The following MBD5 variants were observed in gnomAD, a reference collection of about 807,000 sequenced individuals.
MBD5 encodes methyl-CpG binding domain protein 5, also known as methyl-CpG-binding domain protein 5.
Under a neutral mutation model 117.3 loss-of-function variants are expected in MBD5, and 13 were observed. The ratio of observed to expected loss-of-function variants is 0.11; its 90% confidence interval spans 0.07 to 0.18. The LOEUF (loss-of-function observed/expected upper bound fraction) is 0.18. MBD5 is among the 10% of genes least tolerant of loss of function. MBD5 has a pLI of 1.00. For missense variants in MBD5, 1,879 were observed against 2,093.8 expected (o/e 0.90, Z 2.00); for synonymous variants, 727 against 766.4 (o/e 0.95, Z 0.85).
chr2:148,315,543 A>G (rs1190121280), intron 3 of MBD5, among the ~76,000 whole-genome samples: 1 of 152,188 alleles, frequency 6.6e-6, no homozygotes, highest in Non-Finnish European at 1.5e-5. Context: ...CATGAGGTAT[A>G]TATTTCTACT....
chr2:148,434,015 G>T (rs1706075668), intron 4 of MBD5, among the ~76,000 whole-genome samples: 1 of 151,580 alleles, frequency 6.6e-6, no homozygotes, highest in African/African-American at 2.4e-5. Context: ...AATCCATCTG[G>T]TCCTGGGTTT....
intron 1 of MBD5, among the ~76,000 whole-genome samples, chr2:148,053,446 T>A (rs180774503): frequency 3.7e-4 from 56 of 152,216 alleles, no homozygotes; most frequent in African/African-American, 1.3e-3. Flanking sequence ...ACCATAATAA[T>A]GAGAATATAA....
At chr2:148,505,274 G>C (rs1004628328) in intron 12 of MBD5, among the ~76,000 whole-genome samples, 5 of 152,160 alleles carry the variant, frequency 3.3e-5, no homozygotes, top group Admixed American at 2.6e-4. Flanking sequence ...GTACAGTTTG[G>C]GGTGCCTGTA....
At chr2:148,327,448 G>A (rs1035201924) in intron 3 of MBD5, among the ~76,000 whole-genome samples, 1 of 152,122 alleles carries the variant, frequency 6.6e-6, no homozygotes, top group Non-Finnish European at 1.5e-5. Flanking sequence ...CAGAGGGGGG[G>A]TTCCATTCTC....
chr2:148,332,860 A>T (rs1702694951), intron 3 of MBD5, among the ~76,000 whole-genome samples: 1 of 151,112 alleles, frequency 6.6e-6, no homozygotes, highest in African/African-American at 2.4e-5. Context: ...GATTTTTTGA[A>T]TTTTTTTTCT....
intron 12 of MBD5, among the ~76,000 whole-genome samples, chr2:148,506,594 T>C (rs1367063696): frequency 1.3e-5 from 2 of 152,236 alleles, no homozygotes; most frequent in Non-Finnish European, 2.9e-5. Flanking sequence ...TTGCAATTTC[T>C]CATTTCCCTT....
At chr2:148,305,941 C>G (rs545319682) in intron 3 of MBD5, among the ~76,000 whole-genome samples, 7 of 152,090 alleles carry the variant, frequency 4.6e-5, no homozygotes, top group Non-Finnish European at 8.8e-5. Flanking sequence ...TACAATCTCC[C>G]CCCTTTTTAA....
At chr2:148,280,625 T>C (rs1284389235) in intron 3 of MBD5, among the ~76,000 whole-genome samples, 1 of 152,134 alleles carries the variant, frequency 6.6e-6, no homozygotes, top group Non-Finnish European at 1.5e-5. Flanking sequence ...GAGAGGGGTT[T>C]TGCCATGTTG....
rs1266257640 is a variant in MBD5 at position 148,490,071 on chromosome 2, T to C, written c.4439T>C (p.Ile1480Thr). ...TTTCTGCCTGGGGAACAGCACCCAATACTGTTACCACCAAGAAACTGTCCA... is the reference window on the plus strand; with the variant it reads ...TTTCTGCCTGGGGAACAGCACCCAACACTGTTACCACCAAGAAACTGTCCA... ...LPFLPGEQHP[I>T]LLPPRNCPGD... Residue 1480 changes from isoleucine to threonine, a missense_variant, in exon 11 of 14, where the codon ATA becomes ACA. Coordinates refer to ENST00000642680, the MANE Select transcript of MBD5 (RefSeq NM_001378120.1). The C allele has an allele frequency of 6.2e-7, 1 of 1,613,998 alleles. No homozygotes were observed. The highest frequency in any genetic ancestry group is 8.5e-7 in the Non-Finnish European group (1 of 1,180,010).
At chr2:148,252,712 G>C (rs1168469542) in intron 3 of MBD5, among the ~76,000 whole-genome samples, 2 of 152,046 alleles carry the variant, frequency 1.3e-5, no homozygotes, top group Admixed American at 6.6e-5. Context: ...ATGATGCCCA[G>C]CTAATTTTTG....
chr2:148,369,147 C>T (rs1221032031), intron 4 of MBD5, among the ~76,000 whole-genome samples: 5 of 151,660 alleles, frequency 3.3e-5, no homozygotes, highest in African/African-American at 1.2e-4. Context: ...ACAAAATGAC[C>T]GGCCTACATT....
chr2:148,478,855 G>C, intron 8 of MBD5, among the ~76,000 whole-genome samples: 1 of 152,078 alleles, frequency 6.6e-6, no homozygotes. Context: ...TTATTTAACT[G>C]GTAAACACGT....
At chr2:148,371,177 A>G (rs973312998) in intron 4 of MBD5, among the ~76,000 whole-genome samples, 5 of 152,160 alleles carry the variant, frequency 3.3e-5, no homozygotes, top group Admixed American at 6.5e-5. Context: ...TAAAGTCTAC[A>G]TTTAAAATGT....
Position 148,470,364 on chromosome 2 carries a change from A to C in MBD5, c.2421A>C (p.Leu807Phe). ...SQSGMALGNSLHPNPPQSRIS... is the reference protein window; with the variant it reads ...SQSGMALGNSFHPNPPQSRIS... Reference sequence around the variant, plus strand: ...CGGGCATGGCTTTAGGAAATTCCTTACATCCCAATCCACCTCAGTCAAGAA... The same window carrying C: ...CGGGCATGGCTTTAGGAAATTCCTTCCATCCCAATCCACCTCAGTCAAGAA... The change falls in exon 8 of 14, where the codon TTA becomes TTC. Residue 807 changes from leucine to phenylalanine, a missense_variant. Transcript: ENST00000642680. The C allele has an allele frequency of 6.2e-7, 1 of 1,613,878 alleles. No individual in the cohort carries two copies. The highest frequency in any genetic ancestry group is 1.1e-5 in the South Asian group (1 of 91,076).
At chr2:148,439,202 T>G (rs940266642) in intron 4 of MBD5, among the ~76,000 whole-genome samples, 15 of 152,194 alleles carry the variant, frequency 9.9e-5, no homozygotes, top group African/African-American at 3.6e-4. Context: ...TTTTTGGGAT[T>G]CTGATTTTCA....
intron 4 of MBD5, among the ~76,000 whole-genome samples, chr2:148,348,311 A>G (rs552863873): frequency 6.6e-6 from 1 of 152,130 alleles, no homozygotes; most frequent in East Asian, 1.9e-4. Context: ...GGTACAAATC[A>G]GCAAGGACAA....
intron 1 of MBD5, among the ~76,000 whole-genome samples, chr2:148,155,853 T>G (rs1158553611): frequency 6.6e-6 from 1 of 152,216 alleles, no homozygotes; most frequent in Non-Finnish European, 1.5e-5. Flanking sequence ...GCACTCTTAG[T>G]AGCACATGGG....
chr2:148,088,041 AT>A (rs1401045349), intron 1 of MBD5, among the ~76,000 whole-genome samples: 3 of 152,168 alleles, frequency 2.0e-5, no homozygotes, highest in Non-Finnish European at 2.9e-5. Flanking sequence ...ACTTCTGGAA[AT>A]GAAAGATAGA....
chr2:148,184,344 A>T (rs1698602320), intron 2 of MBD5, among the ~76,000 whole-genome samples: 2 of 152,086 alleles, frequency 1.3e-5, no homozygotes, highest in African/African-American at 4.8e-5. Flanking sequence ...TGTTATTCAG[A>T]TGTTAGCACT....
Sources: gnomAD v4.1 joint callset for allele counts (sites outside exome capture counted in the v4.1 genomes callset) on GRCh38, gnomAD v4.1.1 for gene constraint, MANE v1.5 for transcripts, NCBI Gene and HGNC (gene_info 2026-07-23, HGNC 2026-07-21) for gene names.